Variants in ZNF185 observed in about 807,000 individuals in gnomAD.
ZNF185 encodes the protein zinc finger protein 185.
A neutral mutation model predicts 58.6 loss-of-function variants in ZNF185; 56 were observed. That is an observed-to-expected ratio of 0.95 (90% confidence interval 0.77 to 1.19). ZNF185 has a LOEUF of 1.19. Ranked by LOEUF, ZNF185 falls within the 50% of genes most tolerant of loss-of-function variation. ZNF185 has a pLI of 0.00. For synonymous variants in ZNF185, 230 were observed against 215.9 expected, an observed-to-expected ratio of 1.07 and a Z score of -0.57; for missense variants, 627 against 573.5, an observed-to-expected ratio of 1.09 and a Z score of -0.95.
Position 152,916,553 on chromosome X carries a change from G to T in ZNF185, c.225-578G>T, listed in dbSNP as rs1016130185. Among the ~76,000 whole-genome samples the T allele has an allele frequency of 2.7e-5, 3 of 112,098 alleles. No homozygotes were observed. In the Admixed American group the frequency reaches 2.8e-4, roughly 11 times the overall value. On this transcript the variant is annotated intron_variant, in intron 3 of 22. Transcript: ENST00000449285. Reference sequence around the variant, plus strand: ...CCCTCTCGTCTCAAACTTCCACCAAGACTTGGGGTGTGGGCATGCAAGGAG... The same window carrying T: ...CCCTCTCGTCTCAAACTTCCACCAATACTTGGGGTGTGGGCATGCAAGGAG...
At chrX:152,902,698 C>T in the ZNF185 span, among the ~76,000 whole-genome samples, 83 of 111,903 alleles carry the variant, frequency 7.4e-4, 1 homozygote, top group East Asian at 2.3e-3. Context: ...ATGCTTGTTG[C>T]ATACATGGCA....
At chrX:152,931,651 T>G (rs782595894) in intron 12 of ZNF185, 21 bp from the exon 14 acceptor site, 1 of 1,182,724 alleles carries the variant, frequency 8.5e-7, no homozygotes, top group Admixed American at 2.3e-5. Flanking sequence ...CATGGTTAAC[T>G]TCCATTTCTT....
the ZNF185 span, among the ~76,000 whole-genome samples, chrX:152,905,524 C>T: frequency 8.9e-6 from 1 of 111,909 alleles, no homozygotes. Flanking sequence ...AAAAGAGGAC[C>T]TAAGACATGG....
intron 11 of ZNF185, among the ~76,000 whole-genome samples, chrX:152,924,380 C>T (rs1035610059): frequency 9.0e-6 from 1 of 111,367 alleles, no homozygotes; most frequent in Admixed American, 9.5e-5. Context: ...CTTAGCCTCC[C>T]AAAGTGCTGG....
intron 17 of ZNF185, 136 bp downstream of exon 19, chrX:152,960,032 G>A: frequency 1.7e-6 from 1 of 579,774 alleles, no homozygotes. Flanking sequence ...GAGCCAGAGG[G>A]AAGGAGAGAA....
chrX:152,935,017 T>C (rs921601063), intron 14 of ZNF185, among the ~76,000 whole-genome samples: 4 of 108,679 alleles, frequency 3.7e-5, no homozygotes, highest in African/African-American at 1.3e-4. Flanking sequence ...AGAGACGAGG[T>C]TTTACCAGGT....
intron 18 of ZNF185, 128 bp from the exon 21 acceptor site, chrX:152,965,319 C>T (rs1192814761): frequency 1.9e-6 from 1 of 520,314 alleles, no homozygotes; most frequent in African/African-American, 2.4e-5. Flanking sequence ...CCTGGGCCTT[C>T]CCATGAGCTC....
In ZNF185 at chrX:152,914,580, C is replaced by T. The variant is rs192433567; in HGVS notation, c.34+57C>T. ...CTGTTTGGGGCTGTTTGCTTCCAAG[C>T]CTGCCCCTACAGGCCACAAGCACTG... On this transcript the variant is annotated intron_variant, in intron 1 of 22. Transcript: ENST00000449285. The T allele has an allele frequency of 3.1e-4, 359 of 1,147,024 alleles. 1 individual carries two copies. The East Asian group carries it at 9.4e-3, about 30-fold the overall frequency. The allele number at this position is 1,147,024 out of a possible 1,213,427, so 94.5% of individuals were successfully genotyped here.
intron 17 of ZNF185, among the ~76,000 whole-genome samples, chrX:152,963,203 G>A (rs1163758370): frequency 3.5e-5 from 4 of 113,131 alleles, no homozygotes; most frequent in Admixed American, 9.3e-5. Flanking sequence ...AGTGAGAGCC[G>A]ATATTGGCTT....
intron 18 of ZNF185, among the ~76,000 whole-genome samples, 190 bp from the exon 21 acceptor site, chrX:152,965,257 G>A (rs782622682): frequency 2.7e-5 from 3 of 111,941 alleles, no homozygotes; most frequent in East Asian, 2.8e-4. Flanking sequence ...AACAAGAGAC[G>A]CTCATGGCCT....
chrX:152,903,388 CAAAAAAAAAAAA>C, the ZNF185 span, among the ~76,000 whole-genome samples: 2 of 35,857 alleles, frequency 5.6e-5, no homozygotes, highest in Non-Finnish European at 8.6e-5. Context: ...AGACTCGTCT[CAAAAAAAAAAAA>C]AAAAAAAAAA....
chrX:152,914,740 G>A (rs1938027971), exon 2 of ZNF185: 1 of 1,197,883 alleles, frequency 8.3e-7, no homozygotes, highest in Non-Finnish European at 1.1e-6. Flanking sequence ...GAGGAGGAGC[G>A]CAATAACGTT....
At chrX:152,949,068 G>A (rs1232258176) in intron 16 of ZNF185, among the ~76,000 whole-genome samples, 1 of 109,793 alleles carries the variant, frequency 9.1e-6, no homozygotes. Flanking sequence ...TAAGACTTGG[G>A]AGAGCAGTGA....
chrX:152,962,826 G>A (rs781983202), intron 17 of ZNF185, among the ~76,000 whole-genome samples: 1 of 112,693 alleles, frequency 8.9e-6, no homozygotes, highest in Non-Finnish European at 1.9e-5. Context: ...GATACAGTTT[G>A]AGACTATGAG....
At chrX:152,925,900 G>C in intron 11 of ZNF185, among the ~76,000 whole-genome samples, 1 of 112,365 alleles carries the variant, frequency 8.9e-6, no homozygotes, top group Non-Finnish European at 1.9e-5. Context: ...GTTTCCCTTA[G>C]CTACAGTGCA....
chrX:152,971,142 T>G (rs1556918938), intron 22 of ZNF185, 132 bp from the exon 25 acceptor site: 1 of 112,252 alleles, frequency 8.9e-6, no homozygotes, highest in Non-Finnish European at 1.9e-5. Context: ...ACTAGCTCCA[T>G]GCTGATGGTC....
rs1479007759 is a variant in ZNF185, at chrX:152,958,622, A to G, written c.1410-1077A>G. Among the ~76,000 whole-genome samples, 3 of 109,266 alleles carry G rather than the reference A, an allele frequency of 2.7e-5. No individual in the cohort carries two copies. In the East Asian group the frequency reaches 8.6e-4, roughly 31 times the overall value. The allele number at this position is 109,266 out of a possible 115,157, so 94.9% of individuals were successfully genotyped here. ...ATACAAAGAATTAGCCACGCGTGGC[A>G]GCGGGCGCCTGTAGTCCCAGAATCT... is the stretch of plus-strand genomic sequence containing the variant. On this transcript the variant is annotated intron_variant, in intron 16 of 22. Coordinates refer to ENST00000449285, the Ensembl canonical transcript of ZNF185.
intron 20 of ZNF185, among the ~76,000 whole-genome samples, chrX:152,967,791 CAAAG>C (rs1331308836): frequency 8.9e-6 from 1 of 111,749 alleles, no homozygotes; most frequent in Admixed American, 9.5e-5. Flanking sequence ...GTCTTAATGA[CAAAG>C]AAATCTTATG....
chrX:152,939,982 T>C (rs1410261604), intron 15 of ZNF185, among the ~76,000 whole-genome samples: 1 of 110,196 alleles, frequency 9.1e-6, no homozygotes, highest in African/African-American at 3.3e-5. Flanking sequence ...AGGGTTTCAC[T>C]GTGTTGGCCA....
Sources: allele counts gnomAD v4.1 joint callset (sites outside exome capture counted in the v4.1 genomes callset), GRCh38; gene constraint gnomAD v4.1.1; transcripts MANE v1.5; gene names NCBI Gene and HGNC (gene_info 2026-07-23, HGNC 2026-07-21).